Variants in MCM10 observed in about 807,000 individuals in gnomAD.
MCM10 encodes protein MCM10 homolog.
Under a neutral mutation model 109.9 loss-of-function variants are expected in MCM10, and 91 were observed. The observed-to-expected ratio is 0.83, with a 90% CI of 0.70 to 0.99. The LOEUF is 0.99. Ranked by LOEUF, MCM10 falls within the 50% of genes least tolerant of loss-of-function variation. The pLI is 0.00. For missense variants in MCM10, 1,077 were observed against 1,061.2 expected, an observed-to-expected ratio of 1.01 and a Z score of -0.21; for synonymous variants, 380 against 387.2, an observed-to-expected ratio of 0.98 and a Z score of 0.22.
intron 1 of MCM10, among the ~76,000 whole-genome samples, chr10:13,163,004 G>A (rs1289608862): frequency 1.3e-5 from 2 of 151,930 alleles, no homozygotes; most frequent in African/African-American, 2.4e-5. Context: ...GCGTGAACCC[G>A]GGAGGCGGAG....
Position 13,195,038 on chromosome 10 carries a change from A to T in MCM10, c.1746-3A>T. On this transcript the variant is annotated splice_polypyrimidine_tract_variant and splice_region_variant and intron_variant, in intron 13 of 19. Coordinates refer to ENST00000378714, the MANE Select transcript of MCM10 (RefSeq NM_018518.5). ...GCGTATTTTGACTGTATGTTCTTTA[A>T]AGATTTCTGCAGAGCTCAAGTGAAG... 6.2e-7 allele frequency: 1 copy of T among 1,611,572 alleles called. No individual in the cohort carries two copies. The highest frequency in any genetic ancestry group is 8.5e-7 in the Non-Finnish European group (1 of 1,178,540).
At position 13,172,309 on chromosome 10, in the gene MCM10, C is replaced by A; in HGVS notation, c.350-67C>A. 8.2e-7 allele frequency: 1 copy of A among 1,212,802 alleles called. No homozygotes were observed. The highest frequency in any genetic ancestry group is 1.2e-6 in the Non-Finnish European group (1 of 825,404). The allele number at this position is 1,212,802 out of a possible 1,614,324, so 75.1% of individuals were successfully genotyped here. A position where few individuals can be genotyped will look rare whatever the true frequency, so the allele number is the denominator to read the frequency against. On this transcript the variant is annotated intron_variant, in intron 3 of 19. Transcript: ENST00000378714. The surrounding 1 kb of genome is among the most constrained non-coding windows in gnomAD (Gnocchi z 5.2). ...GGGAGTGGACAACAAAAATATTGCCCGCATTTTTGTCATGTAGAACGTTTT... is the reference window on the plus strand; with the variant it reads ...GGGAGTGGACAACAAAAATATTGCCAGCATTTTTGTCATGTAGAACGTTTT...
Position 13,195,133 on chromosome 10 carries a change from TC to T in MCM10, c.1842del (p.Arg615GlyfsTer9). On this transcript the variant is annotated frameshift_variant, in exon 14 of 20. Coordinates refer to ENST00000378714, the MANE Select transcript of MCM10 (RefSeq NM_018518.5). LOFTEE classifies it high-confidence loss of function. ...CAGCCTCCACGGACAGGATCCGAGT[TC>T]CCCAGGCTGGAGGGAGCCCCGGCCA... is the stretch of plus-strand genomic sequence containing the variant. ...PAQPPRTGSE[F>X]PRLEGAPATM... 2 of 1,614,134 alleles carry T rather than the reference TC, an allele frequency of 1.2e-6. No individual in the cohort carries two copies. Among genetic ancestry groups the T allele is most frequent in the Non-Finnish European group, 1.7e-6 (2 of 1,180,018 alleles).
intron 17 of MCM10, among the ~76,000 whole-genome samples, chr10:13,202,167 C>T (rs375655722): frequency 9.9e-5 from 15 of 151,990 alleles, no homozygotes; most frequent in African/African-American, 1.4e-4. Flanking sequence ...GAGACCAACC[C>T]GGGCAACATC....
chr10:13,201,639 G>A lies in MCM10; in HGVS notation c.2352+105G>A. 3.7e-6 allele frequency: 3 copies of A among 820,576 alleles called. No homozygotes were observed. In the South Asian group the frequency reaches 4.8e-5, roughly 13 times the overall value. 50.8% of individuals were successfully genotyped at this position (820,576 alleles called of 1,614,324 possible). ...GGGATCTGGGGCCCTATCTCGTGAT[G>A]TGTCAGTTAATTAGGCTGGAAAGCA... On this transcript the variant is annotated intron_variant, in intron 17 of 19. Coordinates refer to ENST00000378714, the MANE Select transcript of MCM10 (RefSeq NM_018518.5).
chr10:13,194,987 A>C, intron 13 of MCM10, 54 bp from the exon 14 acceptor site: 2 of 1,538,648 alleles, frequency 1.3e-6, no homozygotes, highest in Non-Finnish European at 1.8e-6. Flanking sequence ...TGAGTTCTAG[A>C]GTTTTTATTT....
chr10:13,167,504 G>A (rs931620395), intron 2 of MCM10, among the ~76,000 whole-genome samples: 1 of 151,708 alleles, frequency 6.6e-6, no homozygotes, highest in South Asian at 2.1e-4. Context: ...GAAACCCAGC[G>A]ACCAAGATGT....
At chr10:13,178,466 C>T (rs1834169466) in intron 6 of MCM10, among the ~76,000 whole-genome samples, 1 of 152,172 alleles carries the variant, frequency 6.6e-6, no homozygotes, top group Admixed American at 6.5e-5. Flanking sequence ...ATATGGATAT[C>T]CAGTTTTCCC....
At chr10:13,204,849 A>G (rs1002966465) in intron 18 of MCM10, among the ~76,000 whole-genome samples, 1 of 152,040 alleles carries the variant, frequency 6.6e-6, no homozygotes, top group African/African-American at 2.4e-5. Flanking sequence ...AAATAGTGTC[A>G]TATTTGCATA....
At chr10:13,205,391 A>G (rs1335039161) in intron 18 of MCM10, among the ~76,000 whole-genome samples, 3 of 152,066 alleles carry the variant, frequency 2.0e-5, no homozygotes, top group East Asian at 1.9e-4. Context: ...GCAGTATTCC[A>G]TTGTGTTTAT....
chr10:13,192,569 G>GT lies in MCM10; in HGVS notation c.1745+2dup. Reference sequence around the variant, plus strand: ...GGAAATCAGAAGAAATACAGAAGCGGTAAGAGGAGCAGATTTAATATTCCC... The same window carrying GT: ...GGAAATCAGAAGAAATACAGAAGCGGTTAAGAGGAGCAGATTTAATATTCCC... On this transcript the variant is annotated splice_donor_variant, in intron 13 of 19. Coordinates refer to ENST00000378714, the MANE Select transcript of MCM10 (RefSeq NM_018518.5). LOFTEE classifies it high-confidence loss of function. 1 of 1,613,398 alleles carries GT rather than the reference G, an allele frequency of 6.2e-7. No individual in the cohort carries two copies. The highest frequency in any genetic ancestry group is 8.5e-7 in the Non-Finnish European group (1 of 1,179,326).
chr10:13,190,343 AC>A (rs1416283598), intron 10 of MCM10, among the ~76,000 whole-genome samples: 3 of 152,206 alleles, frequency 2.0e-5, no homozygotes, highest in African/African-American at 7.2e-5. Context: ...ATACAATCCA[AC>A]CAATGGAGAA....
At chr10:13,189,184 T>C (rs367770335) in intron 10 of MCM10, 104 bp downstream of exon 10, 2 of 1,250,612 alleles carry the variant, frequency 1.6e-6, no homozygotes. Context: ...TTGTACAGGT[T>C]TTATCTTTCA....
chr10:13,206,299 A>C (rs1470718075), intron 18 of MCM10, among the ~76,000 whole-genome samples: 1 of 152,186 alleles, frequency 6.6e-6, no homozygotes, highest in East Asian at 1.9e-4. Flanking sequence ...GCCCACGGGC[A>C]CCCTATACCC....
chr10:13,173,432 TGCCACTA>T (rs1438049909), intron 5 of MCM10, among the ~76,000 whole-genome samples: 1 of 152,230 alleles, frequency 6.6e-6, no homozygotes, highest in African/African-American at 2.4e-5. Flanking sequence ...AAGACTTCTT[TGCCACTA>T]GTAGAGGATG....
chr10:13,173,106 G>A (rs6602638), intron 5 of MCM10, among the ~76,000 whole-genome samples: 12,341 of 152,082 alleles, frequency 0.081, 1,153 homozygotes, highest in African/African-American at 0.23. Context: ...AGAGGCTGAG[G>A]TGGGAGGATC....
In MCM10 at chr10:13,188,803, G is replaced by A; in HGVS notation, c.1216-78G>A. ...CATGCGTCATGTTCCGGGAAGTGGG[G>A]AGAAGGAACTGTGTCTGCTCACTGC... is the stretch of plus-strand genomic sequence containing the variant. On this transcript the variant is annotated intron_variant, in intron 9 of 19. Transcript: ENST00000378714. 4.0e-6 allele frequency: 5 copies of A among 1,247,850 alleles called. No homozygotes were observed. In the East Asian group the frequency reaches 9.3e-5, roughly 23 times the overall value. 77.3% of individuals were successfully genotyped at this position (1,247,850 alleles called of 1,614,324 possible).
At chr10:13,184,817 C>T (rs767461127) in intron 8 of MCM10, among the ~76,000 whole-genome samples, 10 of 152,188 alleles carry the variant, frequency 6.6e-5, no homozygotes, top group Non-Finnish European at 1.3e-4. Flanking sequence ...AAACTCTAGC[C>T]ATCACTGTGA....
chr10:13,208,418 TG>T (rs1210025197), intron 18 of MCM10, among the ~76,000 whole-genome samples: 19 of 151,010 alleles, frequency 1.3e-4, no homozygotes, highest in African/African-American at 4.4e-4. Flanking sequence ...CAAGAGTCCC[TG>T]GGCCCTTTGA....
Sources: allele counts gnomAD v4.1 joint callset (sites outside exome capture counted in the v4.1 genomes callset), GRCh38; gene constraint gnomAD v4.1.1; non-coding constraint Gnocchi (gnomAD v3.1); transcripts MANE v1.5; gene names NCBI Gene and HGNC (gene_info 2026-07-23, HGNC 2026-07-21).